PPFIA2: variants seen among roughly 807,000 people sequenced by gnomAD.
PPFIA2 encodes PPFI scaffold protein A2.
In PPFIA2, 46 loss-of-function variants were observed where a neutral mutation model predicts 175.5. That is an observed-to-expected ratio of 0.26 (90% CI 0.21 to 0.34). The LOEUF (loss-of-function observed/expected upper bound fraction) is 0.34, where lower values mean the gene tolerates loss of function less well. Ranked by LOEUF, PPFIA2 falls within the 10% of genes least tolerant of loss-of-function variation. The pLI is 1.00. For synonymous variants in PPFIA2, 568 were observed against 511.4 expected (o/e 1.11, Z -1.49); for missense variants, 1,179 against 1,506.1 (o/e 0.78, Z 3.60).
intron 3 of PPFIA2, among the ~76,000 whole-genome samples, chr12:81,723,549 T>G (rs977435001): frequency 2.0e-5 from 3 of 151,034 alleles, no homozygotes; most frequent in African/African-American, 7.3e-5. Context: ...TAGTCACCTA[T>G]TCTGTCATTG....
intron 9 of PPFIA2, among the ~76,000 whole-genome samples, chr12:81,381,606 T>G (rs1253617833): frequency 6.6e-6 from 1 of 152,164 alleles, no homozygotes; most frequent in African/African-American, 2.4e-5. Flanking sequence ...GAAATCCTAG[T>G]AATTCCTTAA....
chr12:81,263,273 A>G lies in PPFIA2; in HGVS notation c.3673T>C (p.Leu1225=). The change falls in exon 31 of 33, where the codon TTA becomes CTA. Residue 1225 remains leucine (L), a synonymous_variant. Transcript: ENST00000549396. ...SSETLPAGFR[L]TTTSGQSRKM... ...CTTGACTGCCCAGAGGTTGTGGTTA[A>G]CCTAAATCCAGCTGGTAATGTTTCT... is the stretch of plus-strand genomic sequence containing the variant. The G allele has an allele frequency of 6.2e-7, 1 of 1,612,062 alleles. No individual in the cohort carries two copies. Among genetic ancestry groups the G allele is most frequent in the South Asian group, 1.1e-5 (1 of 90,790 alleles).
At chr12:81,709,303 T>A (rs1178588105) in intron 3 of PPFIA2, among the ~76,000 whole-genome samples, 2 of 152,128 alleles carry the variant, frequency 1.3e-5, no homozygotes, top group Admixed American at 1.3e-4. Flanking sequence ...GCTCACCACT[T>A]CCCCTAATGT....
intron 4 of PPFIA2, among the ~76,000 whole-genome samples, chr12:81,484,746 A>G (rs1020918263): frequency 1.8e-4 from 28 of 151,964 alleles, no homozygotes; most frequent in African/African-American, 5.8e-4. Context: ...CATATGTTAA[A>G]TATCTTTCAT....
At chr12:81,713,753 T>G (rs1364244651) in intron 3 of PPFIA2, among the ~76,000 whole-genome samples, 3 of 151,226 alleles carry the variant, frequency 2.0e-5, no homozygotes, top group Non-Finnish European at 4.4e-5. Flanking sequence ...ATTTTACTCT[T>G]GGGTTAACCT....
chr12:81,276,794 C>G (rs1053208985), intron 28 of PPFIA2, among the ~76,000 whole-genome samples: 9 of 152,102 alleles, frequency 5.9e-5, no homozygotes, highest in African/African-American at 2.2e-4. Flanking sequence ...ATATTACCAG[C>G]TAAAATTATT....
chr12:81,555,912 ACCTTGTCG>A (rs2068772427), intron 4 of PPFIA2, among the ~76,000 whole-genome samples: 1 of 151,938 alleles, frequency 6.6e-6, no homozygotes. Flanking sequence ...TGTTTTCTGA[ACCTTGTCG>A]CCCATCAGGA....
At chr12:81,354,783 G>A (rs1430354623) in intron 16 of PPFIA2, among the ~76,000 whole-genome samples, 1 of 151,960 alleles carries the variant, frequency 6.6e-6, no homozygotes, top group Non-Finnish European at 1.5e-5. Context: ...AGCTAGGAAT[G>A]CAGAGGTGCA....
At chr12:81,401,301 C>T (rs189171118) in intron 8 of PPFIA2, among the ~76,000 whole-genome samples, 1 of 152,100 alleles carries the variant, frequency 6.6e-6, no homozygotes, top group Admixed American at 6.5e-5. Flanking sequence ...TACAATATGC[C>T]TAAGATGATG....
intron 4 of PPFIA2, among the ~76,000 whole-genome samples, chr12:81,579,804 A>G (rs1382002728): frequency 2.0e-5 from 3 of 151,858 alleles, no homozygotes; most frequent in East Asian, 1.9e-4. Flanking sequence ...TCTCTTATAC[A>G]CTATTTTCCA....
intron 4 of PPFIA2, among the ~76,000 whole-genome samples, chr12:81,674,011 T>G (rs547165936): frequency 5.7e-4 from 86 of 152,204 alleles, no homozygotes; most frequent in Non-Finnish European, 6.8e-4. Flanking sequence ...TTACCAGATA[T>G]GCAAATTTAC....
At chr12:81,459,565 A>G (rs2054166452) in intron 4 of PPFIA2, among the ~76,000 whole-genome samples, 1 of 152,148 alleles carries the variant, frequency 6.6e-6, no homozygotes. Context: ...CCACCCAAGT[A>G]TTTCTATCAT....
At position 81,717,739 on chromosome 12, in the gene PPFIA2, T is replaced by C. The variant is rs201415800; in HGVS notation, c.249+36234A>G. ...CAAATTAACCTCAAGAAGCTTACCT[T>C]TCAGGATTGTGTCTTAGGACAAGCT... On this transcript the variant is annotated intron_variant, in intron 3 of 32. Coordinates refer to ENST00000549396, the MANE Select transcript of PPFIA2 (RefSeq NM_003625.5). 2.9e-4 allele frequency among the ~76,000 whole-genome samples: 44 copies of C among 151,830 alleles called. No homozygotes were observed. In the East Asian group the frequency reaches 6.6e-3, roughly 23 times the overall value.
At chr12:81,289,976 T>C (rs140436646) in intron 24 of PPFIA2, among the ~76,000 whole-genome samples, 164 of 151,892 alleles carry the variant, frequency 1.1e-3, no homozygotes, top group Admixed American at 3.0e-3. Flanking sequence ...AAGGTAATCA[T>C]ATATGTGACA....
intron 4 of PPFIA2, among the ~76,000 whole-genome samples, chr12:81,522,900 T>A (rs908365657): frequency 6.6e-6 from 1 of 152,140 alleles, no homozygotes; most frequent in Non-Finnish European, 1.5e-5. Context: ...GAAATCTCAA[T>A]AGAGGTTTTT....
At position 81,263,326 on chromosome 12, in the gene PPFIA2, T is replaced by C. The variant is rs1163940378; in HGVS notation, c.3620A>G (p.His1207Arg). The C allele has an allele frequency of 1.2e-6, 2 of 1,612,728 alleles. No individual in the cohort carries two copies. Among genetic ancestry groups the C allele is most frequent in the South Asian group, 2.2e-5 (2 of 91,032 alleles). The stretch of plus-strand genomic sequence containing the variant: ...GGACCCAGGCATCATGCTGATTCCA[T>C]GTACTTCACGAGGAGGAAACTGCCT... ...WRRQFPPREV[H>R]GISMMPGSSE... The change falls in exon 31 of 33, where the codon CAT becomes CGT. Residue 1207 changes from histidine to arginine, a missense_variant. Physicochemically the swap from His to Arg is conservative, Grantham distance 29. Coordinates refer to ENST00000549396, the MANE Select transcript of PPFIA2 (RefSeq NM_003625.5).
At chr12:81,284,426 C>T (rs550688309) in intron 24 of PPFIA2, 123 bp from the exon 25 acceptor site, 25 of 701,612 alleles carry the variant, frequency 3.6e-5, no homozygotes, top group Middle Eastern at 3.9e-4. Flanking sequence ...TTGCCCCTAC[C>T]GTGTGCATGA....
intron 24 of PPFIA2, among the ~76,000 whole-genome samples, chr12:81,289,612 C>T (rs1429956981): frequency 1.3e-5 from 2 of 151,782 alleles, no homozygotes; most frequent in Admixed American, 1.3e-4. Flanking sequence ...ATTCCTCATT[C>T]AAATGGCTTT....
intron 22 of PPFIA2, among the ~76,000 whole-genome samples, chr12:81,318,658 G>A (rs2052962047): frequency 6.6e-6 from 1 of 151,676 alleles, no homozygotes; most frequent in African/African-American, 2.4e-5. Context: ...GCCACCTTCT[G>A]TTTCACTTAG....
Sources: gnomAD v4.1 joint callset for allele counts (sites outside exome capture counted in the v4.1 genomes callset) on GRCh38, gnomAD v4.1.1 for gene constraint, MANE v1.5 for transcripts, NCBI Gene and HGNC (gene_info 2026-07-23, HGNC 2026-07-21) for gene names.